DAO: variants seen among roughly 807,000 people sequenced by gnomAD.
The protein encoded by DAO is D-amino-acid oxidase.
In DAO, 51 loss-of-function variants were observed where a neutral mutation model predicts 50.1. The ratio of observed to expected loss-of-function variants is 1.02; its 90% CI spans 0.81 to 1.29. The LOEUF (loss-of-function observed/expected upper bound fraction) is 1.29, where lower values mean the gene tolerates loss of function less well. DAO is among the 50% of genes most tolerant of loss of function. The probability of loss-of-function intolerance (pLI) is 0.00; values close to 1 mark genes in which losing one functional copy is unlikely to be tolerated. For missense variants in DAO, 436 were observed against 439.4 expected (o/e 0.99, Z 0.07); for synonymous variants, 160 against 166.2 (o/e 0.96, Z 0.29).
At chr12:108,885,410 A>G (rs777428435) in intron 2 of DAO, among the ~76,000 whole-genome samples, 12 of 152,152 alleles carry the variant, frequency 7.9e-5, no homozygotes, top group Non-Finnish European at 1.8e-4. Context: ...GGAGTTCCAG[A>G]TCAGCCTGGG....
At chr12:108,893,569 G>T (rs1422217359) in intron 6 of DAO, among the ~76,000 whole-genome samples, 1 of 152,202 alleles carries the variant, frequency 6.6e-6, no homozygotes, top group Non-Finnish European at 1.5e-5. Flanking sequence ...AGCTACTAGT[G>T]CTATGTCATG....
At chr12:108,893,116 C>G in intron 6 of DAO, 80 bp downstream of exon 6, 1 of 1,338,044 alleles carries the variant, frequency 7.5e-7, no homozygotes, top group South Asian at 1.2e-5. Context: ...GTCGGGGGCT[C>G]CCTTCTCAGG....
At chr12:108,898,429 AATG>A in intron 8 of DAO, 1 of 491,606 alleles carries the variant, frequency 2.0e-6, no homozygotes, top group Non-Finnish European at 3.8e-6. Flanking sequence ...GTGGTGGTGA[AATG>A]ATGAATGCAG....
intron 1 of DAO, among the ~76,000 whole-genome samples, chr12:108,882,155 G>A (rs1427510748): frequency 6.6e-6 from 1 of 152,192 alleles, no homozygotes; most frequent in Non-Finnish European, 1.5e-5. Context: ...CCACCTGGGT[G>A]TCCAGGAGCT....
At chr12:108,899,355 T>C (rs777413514) in intron 9 of DAO, 22 bp from the exon 10 acceptor site, 16 of 1,596,614 alleles carry the variant, frequency 1.0e-5, no homozygotes, top group Non-Finnish European at 1.4e-5. Context: ...CAGAAATGAG[T>C]GATCAGCACT....
chr12:108,892,599 C>T (rs999623629), intron 5 of DAO, among the ~76,000 whole-genome samples: 1 of 152,176 alleles, frequency 6.6e-6, no homozygotes. Flanking sequence ...GTACAACTCT[C>T]CCCTTCTCTA....
chr12:108,897,475 C>T (rs117200825), intron 8 of DAO, among the ~76,000 whole-genome samples: 2,031 of 152,212 alleles, frequency 0.013, 21 homozygotes, highest in Non-Finnish European at 0.016. Flanking sequence ...CCCTTGCCTC[C>T]CAAAGTGCTG....
At chr12:108,893,182 T>G in intron 6 of DAO, 146 bp downstream of exon 6, 1 of 727,114 alleles carries the variant, frequency 1.4e-6, no homozygotes, top group South Asian at 1.5e-5. Flanking sequence ...CACTCAGGTA[T>G]TCTGAAGGAG....
intron 6 of DAO, 53 bp downstream of exon 6, chr12:108,893,089 C>A: frequency 3.3e-6 from 5 of 1,514,292 alleles, no homozygotes; most frequent in Non-Finnish European, 3.7e-6. Flanking sequence ...GGGGAGGCCT[C>A]TGCTTCTTGC....
rs1201054433 is a variant in DAO, at chr12:108,892,232, G to A, written c.453-750G>A. Among the ~76,000 whole-genome samples, 6 of 142,714 alleles carry A rather than the reference G, an allele frequency of 4.2e-5. No individual in the cohort carries two copies. In the East Asian group the frequency reaches 6.2e-4, roughly 15 times the overall value. 93.6% of individuals were successfully genotyped at this position (142,714 alleles called of 152,430 possible). A position where few individuals can be genotyped will look rare whatever the true frequency, so the allele number is the denominator to read the frequency against. Reference sequence around the variant, plus strand: ...GGCTGGAGAGCAGTGGCGCAATCTCGGCTCACTGCAAGCTCCGCCTCCTGG... The same window carrying A: ...GGCTGGAGAGCAGTGGCGCAATCTCAGCTCACTGCAAGCTCCGCCTCCTGG... On this transcript the variant is annotated intron_variant, in intron 5 of 10. Coordinates refer to ENST00000228476, the MANE Select transcript of DAO (RefSeq NM_001917.5).
In DAO at chr12:108,900,562, C is replaced by T. The variant is rs3741773; in HGVS notation, c.*27C>T. ...GACTCCAGTGACTGCTGCCTCCCCCCACAAGAACTCCCTTCTCCCCTCAGC... is the reference window on the plus strand; with the variant it reads ...GACTCCAGTGACTGCTGCCTCCCCCTACAAGAACTCCCTTCTCCCCTCAGC... On this transcript the variant is annotated 3_prime_UTR_variant, in exon 11 of 11. Transcript: ENST00000228476. 1.3e-5 allele frequency: 21 copies of T among 1,612,720 alleles called. No individual in the cohort carries two copies. The highest frequency in any genetic ancestry group is 6.7e-5 in the East Asian group (3 of 44,876).
At chr12:108,893,749 G>T (rs1351305210) in intron 6 of DAO, among the ~76,000 whole-genome samples, 1 of 152,188 alleles carries the variant, frequency 6.6e-6, no homozygotes, top group Non-Finnish European at 1.5e-5. Flanking sequence ...GGGGAGCTTA[G>T]GGGCTCACGA....
At chr12:108,895,323 G>T (rs1045431243) in intron 7 of DAO, among the ~76,000 whole-genome samples, 4 of 151,172 alleles carry the variant, frequency 2.6e-5, no homozygotes, top group African/African-American at 9.7e-5. Context: ...ATGTGTGAGG[G>T]TGTGTGTGCA....
intron 1 of DAO, 26 bp from the exon 2 acceptor site, chr12:108,884,972 T>G (rs2039418878): frequency 6.2e-7 from 1 of 1,606,896 alleles, no homozygotes; most frequent in Admixed American, 1.7e-5. Flanking sequence ...GTGATGATGT[T>G]GTGCCTCAAC....
intron 7 of DAO, among the ~76,000 whole-genome samples, chr12:108,895,772 GGT>G (rs1230966941): frequency 6.7e-6 from 1 of 150,354 alleles, no homozygotes; most frequent in Non-Finnish European, 1.5e-5. Flanking sequence ...TGTGTCTGAG[GGT>G]GTGTGTGTGC....
At chr12:108,895,053 C>T (rs142897993) in intron 7 of DAO, among the ~76,000 whole-genome samples, 2 of 152,300 alleles carry the variant, frequency 1.3e-5, no homozygotes, top group East Asian at 1.9e-4. Flanking sequence ...CACAGCCCTT[C>T]GAGCTGGGTA....
chr12:108,897,767 G>A (rs1345087818), intron 8 of DAO, among the ~76,000 whole-genome samples: 1 of 152,024 alleles, frequency 6.6e-6, no homozygotes, highest in Non-Finnish European at 1.5e-5. Context: ...GGGCAACATG[G>A]CAAGACCCCG....
chr12:108,887,979 C>T (rs536506911), intron 3 of DAO, among the ~76,000 whole-genome samples: 81 of 152,318 alleles, frequency 5.3e-4, no homozygotes, highest in Non-Finnish European at 9.6e-4. Flanking sequence ...AGGTCCAGTC[C>T]TAACTAATTT....
chr12:108,893,282 G>C (rs1424667109), intron 6 of DAO, among the ~76,000 whole-genome samples: 1 of 152,188 alleles, frequency 6.6e-6, no homozygotes, highest in East Asian at 1.9e-4. Context: ...GAGACTCAAT[G>C]AGTTTTGGGT....
Sources: allele counts gnomAD v4.1 joint callset (sites outside exome capture counted in the v4.1 genomes callset), GRCh38; gene constraint gnomAD v4.1.1; transcripts MANE v1.5; gene names NCBI Gene and HGNC (gene_info 2026-07-23, HGNC 2026-07-21).